The following EHHADH variants were observed in gnomAD, a reference collection of about 807,000 sequenced individuals.
The protein encoded by EHHADH is enoyl-CoA hydratase and 3-hydroxyacyl CoA dehydrogenase.
In EHHADH, 48 loss-of-function variants were observed where a neutral mutation model predicts 64.4. The observed-to-expected ratio is 0.75, with a 90% CI of 0.59 to 0.95. EHHADH has a LOEUF of 0.95. EHHADH is among the 40% of genes least tolerant of loss of function. EHHADH has a pLI of 0.00. For missense variants in EHHADH, 854 were observed against 876.6 expected (o/e 0.97, Z 0.33); for synonymous variants, 308 against 326.7 (o/e 0.94, Z 0.62).
intron 6 of EHHADH, among the ~76,000 whole-genome samples, chr3:185,196,739 T>G (rs1038205833): frequency 6.6e-6 from 1 of 152,164 alleles, no homozygotes; most frequent in Non-Finnish European, 1.5e-5. Flanking sequence ...CGGTGGCTCA[T>G]GCCTGTAATC....
At chr3:185,198,982 G>A (rs1041866087) in intron 6 of EHHADH, among the ~76,000 whole-genome samples, 4 of 152,054 alleles carry the variant, frequency 2.6e-5, no homozygotes, top group Non-Finnish European at 5.9e-5. Context: ...TTCTGATTTA[G>A]CGGTGGAAAG....
At chr3:185,220,138 A>C (rs560596055) in intron 4 of EHHADH, among the ~76,000 whole-genome samples, 1 of 152,324 alleles carries the variant, frequency 6.6e-6, no homozygotes. Context: ...AGGTCAACTA[A>C]GCAGGGAGAA....
In EHHADH at chr3:185,248,662, A is replaced by C. The variant is rs150141158; in HGVS notation, c.75-145T>G. The C allele has an allele frequency of 1.7e-5, 10 of 593,284 alleles. No individual in the cohort carries two copies. In the East Asian group the frequency reaches 2.6e-4, roughly 15 times the overall value. 36.8% of individuals were successfully genotyped at this position (593,284 alleles called of 1,614,324 possible). On this transcript the variant is annotated intron_variant, in intron 1 of 6. Transcript: ENST00000231887. ...TACTTCTCAATAAAGCTTCCAACAA[A>C]TAATATGTCTACTATGACTATTAAA...
chr3:185,197,785 G>A (rs1435538097), intron 6 of EHHADH, among the ~76,000 whole-genome samples: 1 of 152,022 alleles, frequency 6.6e-6, no homozygotes, highest in African/African-American at 2.4e-5. Flanking sequence ...TTGAGTCCCT[G>A]CTTTCAATTC....
At chr3:185,250,431 A>G (rs1184694271) in intron 1 of EHHADH, among the ~76,000 whole-genome samples, 2 of 152,230 alleles carry the variant, frequency 1.3e-5, no homozygotes, top group Admixed American at 1.3e-4. Flanking sequence ...AAATTTGTGA[A>G]GAAGGAGGGG....
intron 2 of EHHADH, 25 bp downstream of exon 2, chr3:185,248,389 T>C (rs1218943594): frequency 6.6e-7 from 1 of 1,513,176 alleles, no homozygotes; most frequent in East Asian, 2.3e-5. Flanking sequence ...CCAGAGATGG[T>C]GGGAGAGGGT....
intron 3 of EHHADH, among the ~76,000 whole-genome samples, chr3:185,232,962 G>A (rs1719176404): frequency 6.6e-6 from 1 of 152,130 alleles, no homozygotes; most frequent in Admixed American, 6.5e-5. Context: ...TAGTATATTT[G>A]CCCTATAAGA....
At position 185,204,723 on chromosome 3, in the gene EHHADH, C is replaced by T; in HGVS notation, c.603G>A (p.Lys201=). ...CCATGTTGGGCAAGCTCTGAATTGG[C>T]TTGTTGCAGAGTCTACGGGATTCTA... The part of the protein sequence containing the change: ...QPLESRRLCN[K]PIQSLPNMDS... The change falls in exon 6 of 7, where the codon AAG becomes AAA. Residue 201 remains lysine, a synonymous_variant. Coordinates refer to ENST00000231887, the MANE Select transcript of EHHADH (RefSeq NM_001966.4). 1 of 1,613,258 alleles carries T rather than the reference C, an allele frequency of 6.2e-7. No individual in the cohort carries two copies. The highest frequency in any genetic ancestry group is 8.5e-7 in the Non-Finnish European group (1 of 1,179,358).
At chr3:185,195,953 C>T (rs1718049794) in intron 6 of EHHADH, among the ~76,000 whole-genome samples, 1 of 152,184 alleles carries the variant, frequency 6.6e-6, no homozygotes, top group African/African-American at 2.4e-5. Context: ...ATTTCAGAAA[C>T]CCTGAGCTAA....
chr3:185,244,769 G>T (rs956344516), intron 2 of EHHADH, among the ~76,000 whole-genome samples: 2 of 152,134 alleles, frequency 1.3e-5, no homozygotes, highest in Admixed American at 6.6e-5. Context: ...GGCAAGGAAG[G>T]ATTCTTCCCT....
chr3:185,202,929 C>A (rs747396864), intron 6 of EHHADH, among the ~76,000 whole-genome samples: 2 of 142,072 alleles, frequency 1.4e-5, no homozygotes, highest in Non-Finnish European at 3.0e-5. Context: ...TATGTGGGAG[C>A]TTAAAATGTA....
chr3:185,203,772 GAAATGTGGT>G (rs1190252041), intron 6 of EHHADH, among the ~76,000 whole-genome samples: 1 of 152,130 alleles, frequency 6.6e-6, no homozygotes, highest in African/African-American at 2.4e-5. Context: ...GCCACACCTT[GAAATGTGGT>G]ACAAATCATC....
chr3:185,211,366 T>C (rs779767502), intron 5 of EHHADH, among the ~76,000 whole-genome samples: 19 of 152,216 alleles, frequency 1.2e-4, no homozygotes, highest in Middle Eastern at 3.2e-3. Flanking sequence ...CATTTTTTCT[T>C]AGTTCTATGA....
chr3:185,208,420 C>A (rs1465619808), intron 5 of EHHADH, among the ~76,000 whole-genome samples: 1 of 152,178 alleles, frequency 6.6e-6, no homozygotes, highest in African/African-American at 2.4e-5. Flanking sequence ...TCTGGACCCA[C>A]AGAAATTGTG....
intron 2 of EHHADH, chr3:185,246,409 A>G (rs1719596928): frequency 3.4e-6 from 2 of 584,670 alleles, no homozygotes; most frequent in Non-Finnish European, 2.7e-6. Flanking sequence ...TCTTGCTCAC[A>G]GTAGGATCAA....
At chr3:185,251,332 A>C (rs1719740524) in intron 1 of EHHADH, among the ~76,000 whole-genome samples, 1 of 152,320 alleles carries the variant, frequency 6.6e-6, no homozygotes, top group Non-Finnish European at 1.5e-5. Flanking sequence ...CAAACAATAT[A>C]CCAAGTAAGG....
chr3:185,218,866 T>C (rs1274176223), intron 4 of EHHADH, among the ~76,000 whole-genome samples: 1 of 151,912 alleles, frequency 6.6e-6, no homozygotes, highest in East Asian at 1.9e-4. Flanking sequence ...CTACTACAAA[T>C]ACAAAAATTA....
At chr3:185,200,487 G>A (rs1025143350) in intron 6 of EHHADH, among the ~76,000 whole-genome samples, 1 of 152,136 alleles carries the variant, frequency 6.6e-6, no homozygotes, top group Non-Finnish European at 1.5e-5. Context: ...CTTTAGCTTT[G>A]ATAAAACTTT....
At chr3:185,208,338 AC>A (rs750090638) in intron 5 of EHHADH, among the ~76,000 whole-genome samples, 36 of 152,356 alleles carry the variant, frequency 2.4e-4, no homozygotes, top group Non-Finnish European at 4.3e-4. Context: ...TGAGATGACT[AC>A]AGCCACAGAC....
Sources: gnomAD v4.1 joint callset for allele counts (sites outside exome capture counted in the v4.1 genomes callset) on GRCh38, gnomAD v4.1.1 for gene constraint, MANE v1.5 for transcripts, NCBI Gene and HGNC (gene_info 2026-07-23, HGNC 2026-07-21) for gene names.